The following CAAP1 variants were observed in gnomAD, a reference collection of about 807,000 sequenced individuals.
CAAP1 encodes the protein conserved anti-apoptotic protein.
In CAAP1, 20 loss-of-function variants were observed where a neutral mutation model predicts 34.0. The observed-to-expected ratio is 0.59, with a 90% CI of 0.41 to 0.86. The LOEUF is 0.86. CAAP1 is among the 40% of genes least tolerant of loss of function. CAAP1 has a pLI of 0.00. For missense variants in CAAP1, 538 were observed against 450.5 expected (o/e 1.19, Z -1.76); for synonymous variants, 213 against 166.7 (o/e 1.28, Z -2.14).
intron 5 of CAAP1, among the ~76,000 whole-genome samples, chr9:26,846,252 AC>A (rs1285094107): frequency 6.6e-6 from 1 of 151,908 alleles, no homozygotes; most frequent in Non-Finnish European, 1.5e-5. Flanking sequence ...CCCCACCTCT[AC>A]TAAAAATACA....
chr9:26,842,155 C>A lies in CAAP1; in HGVS notation c.*146G>T. On this transcript the variant is annotated 3_prime_UTR_variant, in exon 6 of 6. Coordinates refer to ENST00000333916, the MANE Select transcript of CAAP1 (RefSeq NM_024828.4). Reference sequence around the variant, plus strand: ...AAGTAGTCAAAAAAATAAAAAGAAACAGCCACAGGTAATTTAGGGCTAAAA... The same window carrying A: ...AAGTAGTCAAAAAAATAAAAAGAAAAAGCCACAGGTAATTTAGGGCTAAAA... 2 of 587,972 alleles carry A rather than the reference C, an allele frequency of 3.4e-6. No individual in the cohort carries two copies. The highest frequency in any genetic ancestry group is 2.9e-6 in the Non-Finnish European group (1 of 346,758). The allele number at this position is 587,972 out of a possible 1,614,324, so 36.4% of individuals were successfully genotyped here. A position where few individuals can be genotyped will look rare whatever the true frequency, so the allele number is the denominator to read the frequency against.
chr9:26,860,975 G>A (rs1365018198), intron 5 of CAAP1, 91 bp downstream of exon 5: 3 of 873,852 alleles, frequency 3.4e-6, no homozygotes, highest in Non-Finnish European at 3.8e-6. Flanking sequence ...TCTGTAAAAT[G>A]GGGTGAGTTA....
chr9:26,887,463 C>T lies in CAAP1; in HGVS notation c.354G>A (p.Glu118=). The part of the protein sequence containing the change: ...PTLEKELFLA[E]HSDLEEGGLD... ...GTCCACCTTCTTCAAGGTCACTGTG[C>T]TCTGCCAAGAATAATTCTTTTTCCA... The change falls in exon 2 of 6, where the codon GAG becomes GAA. Residue 118 remains glutamate, a synonymous_variant. Transcript: ENST00000333916. 1.2e-6 allele frequency: 2 copies of T among 1,612,398 alleles called. No homozygotes were observed. Among genetic ancestry groups the T allele is most frequent in the Non-Finnish European group, 1.7e-6 (2 of 1,179,578 alleles).
chr9:26,856,025 G>A (rs1822861711), intron 5 of CAAP1, among the ~76,000 whole-genome samples: 1 of 152,072 alleles, frequency 6.6e-6, no homozygotes, highest in South Asian at 2.1e-4. Flanking sequence ...GCTCACTGCA[G>A]CTTCGACCTC....
rs1342261025 is a variant in CAAP1, at chr9:26,892,482, G to A, written c.234C>T (p.Ser78=). The change falls in exon 1 of 6, where the codon AGC becomes AGT. Residue 78 remains serine, a synonymous_variant. Coordinates refer to ENST00000333916, the MANE Select transcript of CAAP1 (RefSeq NM_024828.4). ...GSGGSCWGGS[S]VERSERRKRR... is the part of the protein sequence containing the mutation. The stretch of plus-strand genomic sequence containing the variant: ...GCTTCCGGCGCTCGCTGCGCTCCAC[G>A]CTGCTCCCGCCCCAACAGCTGCCGC... 6.4e-7 allele frequency: 1 copy of A among 1,559,234 alleles called. No homozygotes were observed. Among genetic ancestry groups the A allele is most frequent in the Non-Finnish European group, 8.7e-7 (1 of 1,152,604 alleles).
At chr9:26,856,466 C>T (rs1822872606) in intron 5 of CAAP1, among the ~76,000 whole-genome samples, 1 of 152,010 alleles carries the variant, frequency 6.6e-6, no homozygotes, top group Admixed American at 6.6e-5. Flanking sequence ...TTTAGGAAAA[C>T]AGTTATTAAC....
intron 5 of CAAP1, among the ~76,000 whole-genome samples, chr9:26,854,626 A>G (rs562411232): frequency 2.6e-5 from 4 of 152,352 alleles, no homozygotes; most frequent in African/African-American, 9.6e-5. Context: ...GACAAGTTAC[A>G]GATTCACAGA....
Position 26,842,415 on chromosome 9 carries a change from A to C in CAAP1, c.972T>G (p.Pro324=). Residue 324 remains proline, a synonymous_variant, in exon 6 of 6, where the codon CCT becomes CCG. Coordinates refer to ENST00000333916, the MANE Select transcript of CAAP1 (RefSeq NM_024828.4). ...NEPKAATLAV[P]PPEDVQPSAQ... ...CAGAAGGTTGAACATCTTCTGGTGG[A>C]GGAACAGCCAGGGTGGCTGCTTTGG... The C allele has an allele frequency of 1.9e-6, 3 of 1,614,110 alleles. No homozygotes were observed. Among genetic ancestry groups the C allele is most frequent in the Non-Finnish European group, 2.5e-6 (3 of 1,180,008 alleles).
chr9:26,865,924 G>C (rs1325760577), intron 4 of CAAP1, among the ~76,000 whole-genome samples: 1 of 152,066 alleles, frequency 6.6e-6, no homozygotes, highest in East Asian at 1.9e-4. Flanking sequence ...TCAGCTCATT[G>C]CAACCTCCAC....
At chr9:26,878,026 C>T (rs994595606) in intron 4 of CAAP1, among the ~76,000 whole-genome samples, 2 of 152,050 alleles carry the variant, frequency 1.3e-5, no homozygotes, top group African/African-American at 2.4e-5. Flanking sequence ...ACTATTTTCT[C>T]TTATGATTTC....
intron 5 of CAAP1, among the ~76,000 whole-genome samples, chr9:26,844,917 C>A (rs1822561883): frequency 6.6e-6 from 1 of 152,196 alleles, no homozygotes; most frequent in African/African-American, 2.4e-5. Context: ...CAAGCCCTTT[C>A]AGGGTGACGG....
At chr9:26,846,693 T>TC (rs1822617346) in intron 5 of CAAP1, among the ~76,000 whole-genome samples, 1 of 151,846 alleles carries the variant, frequency 6.6e-6, no homozygotes, top group Admixed American at 6.6e-5. Context: ...TAATTTTTCT[T>TC]CTTTTTTTTT....
chr9:26,857,401 G>A (rs1178199050), intron 5 of CAAP1, among the ~76,000 whole-genome samples: 4 of 152,244 alleles, frequency 2.6e-5, no homozygotes, highest in Non-Finnish European at 5.9e-5. Context: ...GAAGGCCAAG[G>A]TGGGTGGATC....
intron 2 of CAAP1, among the ~76,000 whole-genome samples, chr9:26,886,701 A>G (rs1823746521): frequency 6.6e-6 from 1 of 152,212 alleles, no homozygotes; most frequent in African/African-American, 2.4e-5. Context: ...ATATTGTGAC[A>G]TTATTTCTTA....
intron 1 of CAAP1, among the ~76,000 whole-genome samples, chr9:26,891,650 G>A (rs942783454): frequency 2.0e-5 from 3 of 152,028 alleles, no homozygotes; most frequent in African/African-American, 7.2e-5. Context: ...AACAAACCAC[G>A]TATATAAAGA....
In CAAP1 at chr9:26,886,154, T is replaced by TG. The variant is rs1404664322; in HGVS notation, c.538dup (p.Gln180ProfsTer9). 6.4e-7 allele frequency: 1 copy of TG among 1,556,580 alleles called. No individual in the cohort carries two copies. The highest frequency in any genetic ancestry group is 2.3e-5 in the East Asian group (1 of 43,094). On this transcript the variant is annotated frameshift_variant, in exon 3 of 6. Coordinates refer to ENST00000333916, the MANE Select transcript of CAAP1 (RefSeq NM_024828.4). LOFTEE classifies it high-confidence loss of function. ...TTCAGACAGGAGCTCTAACTGTTCC[T>TG]GGCATAGTTTTTTAATTTCTTCTAT...
At chr9:26,860,488 A>G (rs1412981817) in intron 5 of CAAP1, among the ~76,000 whole-genome samples, 1 of 152,158 alleles carries the variant, frequency 6.6e-6, no homozygotes, top group African/African-American at 2.4e-5. Context: ...CTTGCAGCTG[A>G]TGATATATAA....
At chr9:26,842,728 T>G in intron 5 of CAAP1, 81 bp from the exon 6 acceptor site, 1 of 1,195,720 alleles carries the variant, frequency 8.4e-7, no homozygotes, top group South Asian at 1.5e-5. Flanking sequence ...ATTTAAAAAC[T>G]GCTTTGATCC....
chr9:26,869,490 T>G (rs2131320454), intron 4 of CAAP1, among the ~76,000 whole-genome samples: 1 of 152,246 alleles, frequency 6.6e-6, no homozygotes, highest in South Asian at 2.1e-4. Flanking sequence ...TTGGCTTAGT[T>G]AAAATGAAAA....
Sources: gnomAD v4.1 joint callset for allele counts (sites outside exome capture counted in the v4.1 genomes callset) on GRCh38, gnomAD v4.1.1 for gene constraint, MANE v1.5 for transcripts, NCBI Gene and HGNC (gene_info 2026-07-23, HGNC 2026-07-21) for gene names.